PLXNB2: variants seen among roughly 807,000 people sequenced by gnomAD.
PLXNB2 encodes the protein plexin-B2.
A neutral mutation model predicts 202.6 loss-of-function variants in PLXNB2; 85 were observed. The ratio of observed to expected loss-of-function variants is 0.42; its 90% CI spans 0.35 to 0.50. The LOEUF is 0.50. Among genes scored for constraint, PLXNB2 ranks in the 20% least tolerant of loss-of-function variants. PLXNB2 has a pLI of 0.02. For missense variants in PLXNB2, 2,063 were observed against 2,586.2 expected, an observed-to-expected ratio of 0.80 and a Z score of 4.39; for synonymous variants, 1,239 against 1,137.6, an observed-to-expected ratio of 1.09 and a Z score of -1.79.
At chr22:50,275,990 G>A (rs775709318) in intron 35 of PLXNB2, 27 bp from the exon 36 acceptor site, 8 of 1,606,950 alleles carry the variant, frequency 5.0e-6, no homozygotes, top group Middle Eastern at 1.6e-4. Flanking sequence ...CAGTCAGGGT[G>A]GAAAAGGGGC....
chr22:50,288,881 C>T lies in PLXNB2; in HGVS notation c.1252-10G>A, dbSNP rs766376084. On this transcript the variant is annotated splice_polypyrimidine_tract_variant and intron_variant, in intron 4 of 36. Transcript: ENST00000359337. The surrounding 1 kb of genome is among the most constrained non-coding windows in gnomAD (Gnocchi z 5.0). Reference sequence around the variant, plus strand: ...CTGGGGTGAGGTACACCTGTGTGCGCGAGGGCAGGCCGGTGAGGGTACGGG... The same window carrying T: ...CTGGGGTGAGGTACACCTGTGTGCGTGAGGGCAGGCCGGTGAGGGTACGGG... The T allele has an allele frequency of 6.8e-6, 11 of 1,613,002 alleles. No individual in the cohort carries two copies. The highest frequency in any genetic ancestry group is 5.0e-5 in the Admixed American group (3 of 59,978).
rs759161065 is a variant in PLXNB2 at position 50,275,788 on chromosome 22, C to T, written c.5433G>A (p.Glu1811=). 2.4e-5 allele frequency: 38 copies of T among 1,612,370 alleles called. 1 individual carries two copies. The South Asian group carries it at 4.0e-4, about 17-fold the overall frequency. Reference sequence around the variant, plus strand: ...GCTGCATCTTCTGGGCGGCAGGATCCTCCTCCAAGGCATTGATGATCTGAG... The same window carrying T: ...GCTGCATCTTCTGGGCGGCAGGATCTTCCTCCAAGGCATTGATGATCTGAG... ...YYDEIINALE[E]DPAAQKMQLA... The change falls in exon 37 of 37, where the codon GAG becomes GAA. Residue 1811 remains glutamate, a synonymous_variant. Coordinates refer to ENST00000359337, the MANE Select transcript of PLXNB2 (RefSeq NM_012401.4).
Position 50,275,414 on chromosome 22 carries a change from G to GT in PLXNB2, c.*289dup, listed in dbSNP as rs1475702075. 2.3e-5 allele frequency: 12 copies of GT among 530,780 alleles called. No homozygotes were observed. The highest frequency in any genetic ancestry group is 2.1e-4 in the African/African-American group (11 of 52,914). 32.9% of individuals were successfully genotyped at this position (530,780 alleles called of 1,614,324 possible). ...GGCCAGCTGCCCCCAGCGTGGCAGCGTAAGGCACATTTTCAAATCACTGGA... is the reference window on the plus strand; with the variant it reads ...GGCCAGCTGCCCCCAGCGTGGCAGCGTTAAGGCACATTTTCAAATCACTGGA... On this transcript the variant is annotated 3_prime_UTR_variant, in exon 37 of 37. Coordinates refer to ENST00000359337, the MANE Select transcript of PLXNB2 (RefSeq NM_012401.4).
At chr22:50,276,590 C>A (rs771230389) in intron 35 of PLXNB2, 39 bp downstream of exon 35, 2 of 1,503,578 alleles carry the variant, frequency 1.3e-6, no homozygotes, top group South Asian at 1.1e-5. Flanking sequence ...GTAGTGGGAG[C>A]GGGGAGGGCT....
Position 50,281,929 on chromosome 22 carries a change from C to T in PLXNB2, c.3270G>A (p.Glu1090=), listed in dbSNP as rs1247144002. The change falls in exon 20 of 37, where the codon GAG becomes GAA. Residue 1090 remains glutamate (E), a synonymous_variant. Transcript: ENST00000359337. ...ALLRTEAGAF[E]YVPDPTFENF... is the part of the protein sequence containing the mutation. ...TCTCAAAGGTGGGGTCAGGCACGTA[C>T]TCGAAGGCCCCGGCCTCTGTTCTGA... 6.2e-7 allele frequency: 1 copy of T among 1,613,066 alleles called. No homozygotes were observed. The highest frequency in any genetic ancestry group is 8.5e-7 in the Non-Finnish European group (1 of 1,180,020).
At chr22:50,299,966 G>C (rs1408036186) in intron 1 of PLXNB2, among the ~76,000 whole-genome samples, 2 of 152,128 alleles carry the variant, frequency 1.3e-5, no homozygotes, top group African/African-American at 4.8e-5. Context: ...ACGGTTGCCC[G>C]GGAGCCAGGG....
chr22:50,284,617 C>T lies in PLXNB2; in HGVS notation c.2137G>A (p.Val713Met). The change falls in exon 12 of 37, where the codon GTG becomes ATG. Residue 713 changes from valine to methionine, a missense_variant. Val to Met is a conservative substitution (Grantham distance 21). Coordinates refer to ENST00000359337, the MANE Select transcript of PLXNB2 (RefSeq NM_012401.4). This position sits in a 1 kb window ranked among gnomAD's most constrained non-coding sequence, Gnocchi z 8.0. ...AAGGTCCCAGATTCCTGCATGGTCA[C>T]CGGCTCCATGAACTTGAGCAAGTCA... The part of the protein sequence containing the change: ...GSDLLKFMEP[V>M]TMQESGTFAF... 1 of 1,612,472 alleles carries T rather than the reference C, an allele frequency of 6.2e-7. No homozygotes were observed. The highest frequency in any genetic ancestry group is 8.5e-7 in the Non-Finnish European group (1 of 1,179,580).
chr22:50,276,312 GGA>G (rs2065570433), intron 35 of PLXNB2, among the ~76,000 whole-genome samples: 3 of 150,120 alleles, frequency 2.0e-5, no homozygotes, highest in Admixed American at 2.0e-4. Flanking sequence ...ACACGGCCGT[GGA>G]TGGAGCCGCA....
Position 50,290,568 on chromosome 22 carries a change from C to T in PLXNB2, c.17G>A (p.Trp6Ter). 1 of 1,608,274 alleles carries T rather than the reference C, an allele frequency of 6.2e-7. No homozygotes were observed. The highest frequency in any genetic ancestry group is 8.5e-7 in the Non-Finnish European group (1 of 1,178,758). ...CAGCAGGCCCAGCAGGGTCAGGGCC[C>T]AGAGCTGCAGTGCCATTGCCCCCCG... The part of the protein sequence containing the change: MALQL[W>*]ALTLLGLLGA... Residue 6 changes from tryptophan to a stop codon, truncating the protein, a stop_gained, in exon 3 of 37, where the codon TGG becomes TAG. Coordinates refer to ENST00000359337, the MANE Select transcript of PLXNB2 (RefSeq NM_012401.4). LOFTEE classifies it high-confidence loss of function.
chr22:50,307,646 T>C lies in PLXNB2; in HGVS notation c.-167A>G, dbSNP rs949758060. ...CTGCCATGGAGACGGGGCCTTTGTG[T>C]GGCCGAGGAGGGGCCGGAGCGCGCG... On this transcript the variant is annotated 5_prime_UTR_variant, in exon 1 of 37. Transcript: ENST00000359337. 2 of 972,962 alleles carry C rather than the reference T, an allele frequency of 2.1e-6. No individual in the cohort carries two copies. Among genetic ancestry groups the C allele is most frequent in the Non-Finnish European group, 2.4e-6 (2 of 825,578 alleles). 60.3% of individuals were successfully genotyped at this position (972,962 alleles called of 1,614,324 possible).
At chr22:50,287,600 A>G in intron 7 of PLXNB2, 67 bp downstream of exon 7, 2 of 1,428,146 alleles carry the variant, frequency 1.4e-6, no homozygotes, top group Non-Finnish European at 1.9e-6. Flanking sequence ...AACAGCTCCC[A>G]GCATGGGGGA....
chr22:50,278,581 G>C lies in PLXNB2; in HGVS notation c.4647+15C>G. On this transcript the variant is annotated intron_variant, in intron 29 of 36. Transcript: ENST00000359337. ...AGGGTGCCCAGTTCTCGCCCGCCCCGGCCTACACGCTCACATTGTAGTGCA... is the reference window on the plus strand; with the variant it reads ...AGGGTGCCCAGTTCTCGCCCGCCCCCGCCTACACGCTCACATTGTAGTGCA... 1 of 1,609,624 alleles carries C rather than the reference G, an allele frequency of 6.2e-7. No individual in the cohort carries two copies. The highest frequency in any genetic ancestry group is 1.1e-5 in the South Asian group (1 of 90,616).
chr22:50,292,337 CAA>C (rs533891085), intron 2 of PLXNB2, among the ~76,000 whole-genome samples: 800 of 70,930 alleles, frequency 0.011, 4 homozygotes, highest in Middle Eastern at 0.027. Context: ...GACTCTGTCT[CAA>C]AAAAAAAAAA....
chr22:50,295,359 C>T (rs1030649197), intron 1 of PLXNB2, among the ~76,000 whole-genome samples: 1 of 151,268 alleles, frequency 6.6e-6, no homozygotes, highest in African/African-American at 2.4e-5. Flanking sequence ...ACACCCATGA[C>T]CCTGAAATTT....
rs752246192 is a variant in PLXNB2, at chr22:50,287,770, G to C, written c.1505C>G (p.Pro502Arg). 6.3e-7 allele frequency: 1 copy of C among 1,582,908 alleles called. No individual in the cohort carries two copies. The highest frequency in any genetic ancestry group is 8.5e-7 in the Non-Finnish European group (1 of 1,172,222). ...CCAGTGGCTGGCCTCCTCGGCCCGC[G>C]GACACTCGGCCTTCCGGGTGCATCT... ...EGRCTRKAEC[P>R]RAEEASHWLW... Residue 502 changes from proline to arginine, a missense_variant, in exon 7 of 37, where the codon CCG becomes CGG. By Grantham distance (103) the Pro-to-Arg change is moderately radical (BLOSUM62 -2). Transcript: ENST00000359337.
intron 1 of PLXNB2, chr22:50,301,220 C>T (rs1290608966): frequency 5.6e-6 from 1 of 179,974 alleles, no homozygotes; most frequent in Non-Finnish European, 1.1e-5. Flanking sequence ...TGCAGAACCA[C>T]CTCTCTCCTC....
intron 33 of PLXNB2, among the ~76,000 whole-genome samples, chr22:50,277,257 C>T (rs1420157388): frequency 2.6e-5 from 4 of 151,264 alleles, no homozygotes; most frequent in South Asian, 4.2e-4. Context: ...GCAGAGATCG[C>T]GCCACTGCAC....
chr22:50,275,742 T>G lies in PLXNB2; in HGVS notation c.5479A>C (p.Ile1827Leu). 6.2e-7 allele frequency: 1 copy of G among 1,611,590 alleles called. No individual in the cohort carries two copies. The highest frequency in any genetic ancestry group is 8.5e-7 in the Non-Finnish European group (1 of 1,179,176). ...ACCTTGTTCTCCAGTGCAGCGGCAA[T>G]CTGCTGCAGGCGGAAGGCCAGCTGC... is the stretch of plus-strand genomic sequence containing the variant. ...KMQLAFRLQQ[I>L]AAALENKVTD... The change falls in exon 37 of 37, where the codon ATT becomes CTT. Residue 1827 changes from isoleucine (I) to leucine (L), a missense_variant. By Grantham distance (5) the Ile-to-Leu change is conservative. Coordinates refer to ENST00000359337, the MANE Select transcript of PLXNB2 (RefSeq NM_012401.4).
rs565037613 is a variant in PLXNB2 at position 50,302,098 on chromosome 22, A to C, written c.-74+5455T>G. ...TGCCTGGAGCCCCGAGGGAGGGGCC[A>C]TGTGTGGCATGGGGAAGTGGGGTGG... On this transcript the variant is annotated intron_variant, in intron 1 of 36. Transcript: ENST00000359337. 7.2e-5 allele frequency among the ~76,000 whole-genome samples: 11 copies of C among 152,246 alleles called. No individual in the cohort carries two copies. The South Asian group carries it at 2.3e-3, about 32-fold the overall frequency.
Sources: gnomAD v4.1 joint callset for allele counts (sites outside exome capture counted in the v4.1 genomes callset) on GRCh38, gnomAD v4.1.1 for gene constraint, Gnocchi (gnomAD v3.1) non-coding constraint, MANE v1.5 for transcripts, NCBI Gene and HGNC (gene_info 2026-07-23, HGNC 2026-07-21) for gene names.